TOMM20: variants seen among roughly 807,000 people sequenced by gnomAD.
The protein encoded by TOMM20 is translocase of outer mitochondrial membrane 20.
TOMM20 carries 10 observed loss-of-function variants against 22.1 expected under a neutral mutation model. That is an observed-to-expected ratio of 0.45 (90% CI 0.28 to 0.77). TOMM20 has a LOEUF of 0.77. TOMM20 is among the 30% of genes least tolerant of loss of function. TOMM20 has a pLI of 0.13. For missense variants in TOMM20, 121 were observed against 172.2 expected, an observed-to-expected ratio of 0.70 and a Z score of 1.66; for synonymous variants, 55 against 61.4, an observed-to-expected ratio of 0.90 and a Z score of 0.49.
chr1:235,125,511 G>A (rs972612025), intron 1 of TOMM20, among the ~76,000 whole-genome samples: 4 of 151,664 alleles, frequency 2.6e-5, no homozygotes, highest in East Asian at 2.0e-4. Flanking sequence ...CACCACGCCC[G>A]GCCGCCTAAG....
rs959179817 is a variant in TOMM20, at chr1:235,110,882, G to A, written c.*1182C>T. The A allele has an allele frequency of 2.6e-5, 4 of 152,140 alleles. No homozygotes were observed. The highest frequency in any genetic ancestry group is 7.2e-5 in the African/African-American group (3 of 41,408). 9.4% of individuals were successfully genotyped at this position (152,140 alleles called of 1,614,324 possible). ...TACTCAGTTCTGAAACTGTGACTACGGAGAATATGTCACTATTTGAGAATA... is the reference window on the plus strand; with the variant it reads ...TACTCAGTTCTGAAACTGTGACTACAGAGAATATGTCACTATTTGAGAATA... On this transcript the variant is annotated 3_prime_UTR_variant, in exon 5 of 5. Transcript: ENST00000366607.
chr1:235,116,471 G>A (rs938888387), intron 3 of TOMM20, among the ~76,000 whole-genome samples: 1 of 151,842 alleles, frequency 6.6e-6, no homozygotes, highest in African/African-American at 2.4e-5. Context: ...CCTGGAAGAC[G>A]GAAGTTGCAG....
chr1:235,119,492 TATGGCTATAC>T (rs1370849394), intron 3 of TOMM20: 1 of 179,858 alleles, frequency 5.6e-6, no homozygotes. Flanking sequence ...CATATCGCAC[TATGGCTATAC>T]ATTAGAAACT....
intron 1 of TOMM20, among the ~76,000 whole-genome samples, chr1:235,124,904 A>G (rs1660985750): frequency 1.3e-5 from 2 of 152,246 alleles, no homozygotes; most frequent in African/African-American, 4.8e-5. Flanking sequence ...AAAACCATGA[A>G]GAAATTTAAC....
At chr1:235,120,632 T>G (rs1414109422) in intron 2 of TOMM20, among the ~76,000 whole-genome samples, 1 of 151,844 alleles carries the variant, frequency 6.6e-6, no homozygotes, top group Non-Finnish European at 1.5e-5. Flanking sequence ...CAGGCTGTAG[T>G]GCAGTAGTGT....
At chr1:235,116,942 T>G (rs535267519) in intron 3 of TOMM20, among the ~76,000 whole-genome samples, 3 of 150,270 alleles carry the variant, frequency 2.0e-5, no homozygotes, top group Non-Finnish European at 4.4e-5. Flanking sequence ...GAGACCATCC[T>G]GGCTAACATG....
rs1660734279 is a variant in TOMM20, at chr1:235,111,249, G to C, written c.*815C>G. ...TGCCCACATACATTCCTCAGGTTAA[G>C]GTGGATTTAAAGATGCCCAACAGAA... is the stretch of plus-strand genomic sequence containing the variant. On this transcript the variant is annotated 3_prime_UTR_variant, in exon 5 of 5. Transcript: ENST00000366607. The C allele has an allele frequency of 6.6e-6, 1 of 152,158 alleles. No individual in the cohort carries two copies. The allele number at this position is 152,158 out of a possible 1,614,324, so 9.4% of individuals were successfully genotyped here.
intron 1 of TOMM20, among the ~76,000 whole-genome samples, chr1:235,126,275 G>A (rs976120830): frequency 4.0e-5 from 6 of 151,418 alleles, no homozygotes; most frequent in African/African-American, 7.3e-5. Flanking sequence ...TGGGACTACC[G>A]GCGTGCACCA....
intron 3 of TOMM20, among the ~76,000 whole-genome samples, chr1:235,118,061 T>C (rs980591175): frequency 6.6e-6 from 1 of 152,246 alleles, no homozygotes; most frequent in Non-Finnish European, 1.5e-5. Flanking sequence ...AGTCAGTTCC[T>C]GCTTCTGAAT....
In TOMM20 at chr1:235,111,890, T is replaced by C; in HGVS notation, c.*174A>G. The C allele has an allele frequency of 1.6e-6, 1 of 638,122 alleles. No homozygotes were observed. Among genetic ancestry groups the C allele is most frequent in the East Asian group, 2.8e-5 (1 of 35,334 alleles). 39.5% of individuals were successfully genotyped at this position (638,122 alleles called of 1,614,324 possible). On this transcript the variant is annotated 3_prime_UTR_variant, in exon 5 of 5. Coordinates refer to ENST00000366607, the MANE Select transcript of TOMM20 (RefSeq NM_014765.3). ...TTCTCTATCAAAATACACTTTTCAC[T>C]GGGAAAAATAAATAAAATAGACAAA...
In TOMM20 at chr1:235,111,225, G is replaced by T. The variant is rs1404973661; in HGVS notation, c.*839C>A. The T allele has an allele frequency of 6.6e-6, 1 of 152,126 alleles. No homozygotes were observed. The highest frequency in any genetic ancestry group is 2.4e-5 in the African/African-American group (1 of 41,428). 9.4% of individuals were successfully genotyped at this position (152,126 alleles called of 1,614,324 possible). On this transcript the variant is annotated 3_prime_UTR_variant, in exon 5 of 5. Transcript: ENST00000366607. The stretch of plus-strand genomic sequence containing the variant: ...ATATAAAAAAATGCAGGGCCTGGTT[G>T]CCCACATACATTCCTCAGGTTAAGG...
At chr1:235,126,787 G>A (rs546666680) in intron 1 of TOMM20, among the ~76,000 whole-genome samples, 20 of 152,172 alleles carry the variant, frequency 1.3e-4, no homozygotes, top group African/African-American at 4.3e-4. Context: ...GCGACAGAGC[G>A]AGACTCAAAC....
At chr1:235,115,018 C>T (rs974782909) in intron 3 of TOMM20, among the ~76,000 whole-genome samples, 1 of 151,992 alleles carries the variant, frequency 6.6e-6, no homozygotes, top group Non-Finnish European at 1.5e-5. Context: ...CATAGGTGTG[C>T]ACCACCACAC....
intron 3 of TOMM20, among the ~76,000 whole-genome samples, chr1:235,115,937 T>C (rs530048580): frequency 9.8e-5 from 15 of 152,346 alleles, no homozygotes; most frequent in East Asian, 9.6e-4. Context: ...ATGTGTCCCC[T>C]TTCTGCATTG....
chr1:235,114,506 G>A (rs1660797356), intron 3 of TOMM20, among the ~76,000 whole-genome samples: 1 of 147,218 alleles, frequency 6.8e-6, no homozygotes, highest in Non-Finnish European at 1.5e-5. Context: ...GCACGATCTC[G>A]GCTCACTGCA....
intron 1 of TOMM20, chr1:235,127,899 C>T (rs574884244): frequency 1.2e-5 from 6 of 519,134 alleles, no homozygotes; most frequent in African/African-American, 1.2e-4. Flanking sequence ...ATCTTGGAAG[C>T]ACTTAGAACG....
chr1:235,115,638 A>T (rs1660815805), intron 3 of TOMM20, among the ~76,000 whole-genome samples: 1 of 152,156 alleles, frequency 6.6e-6, no homozygotes, highest in Non-Finnish European at 1.5e-5. Context: ...AAAAGAAATA[A>T]ATAAAAATAA....
intron 3 of TOMM20, 76 bp from the exon 4 acceptor site, chr1:235,113,986 C>T: frequency 6.8e-7 from 1 of 1,466,244 alleles, no homozygotes; most frequent in South Asian, 1.4e-5. Flanking sequence ...CACACTATCT[C>T]CAAATGATGC....
In TOMM20 at chr1:235,125,836, G is replaced by A. The variant is rs1661007832; in HGVS notation, c.121+2759C>T. On this transcript the variant is annotated intron_variant, in intron 1 of 4. Coordinates refer to ENST00000366607, the MANE Select transcript of TOMM20 (RefSeq NM_014765.3). The stretch of plus-strand genomic sequence containing the variant: ...GCCATCTCGGCTCACTGCAACCTCA[G>A]CATCCCAGGTTCAAGCGATCTTCCT... Among the ~76,000 whole-genome samples, 6 of 149,888 alleles carry A rather than the reference G, an allele frequency of 4.0e-5. 1 individual carries two copies. Among genetic ancestry groups the A allele is most frequent in the Admixed American group, 3.3e-4 (5 of 15,020 alleles).
Sources: gnomAD v4.1 joint callset for allele counts (sites outside exome capture counted in the v4.1 genomes callset) on GRCh38, gnomAD v4.1.1 for gene constraint, MANE v1.5 for transcripts, NCBI Gene and HGNC (gene_info 2026-07-23, HGNC 2026-07-21) for gene names.